The following ZAP70 variants were observed in gnomAD, a reference collection of about 807,000 sequenced individuals.
ZAP70 encodes the protein zeta chain of T cell receptor associated protein kinase 70.
Under a neutral mutation model 65.8 loss-of-function variants are expected in ZAP70, and 27 were observed. That is an observed-to-expected ratio of 0.41 (90% CI 0.30 to 0.57). The LOEUF (loss-of-function observed/expected upper bound fraction) is 0.57. ZAP70 is among the 20% of genes least tolerant of loss of function. ZAP70 has a pLI of 0.28. For synonymous variants in ZAP70, 363 were observed against 360.8 expected, an observed-to-expected ratio of 1.01 and a Z score of -0.07; for missense variants, 696 against 870.5, an observed-to-expected ratio of 0.80 and a Z score of 2.52.
the ZAP70 span, among the ~76,000 whole-genome samples, chr2:97,753,734 G>A: frequency 6.6e-6 from 1 of 152,182 alleles, no homozygotes; most frequent in East Asian, 1.9e-4. Context: ...CACTTTGGGA[G>A]GCTGACGCAG....
intron 4 of ZAP70, among the ~76,000 whole-genome samples, chr2:97,726,204 A>G (rs1396750563): frequency 6.6e-6 from 1 of 152,182 alleles, no homozygotes; most frequent in African/African-American, 2.4e-5. Context: ...GAGGCCATGT[A>G]GCTATTTGTG....
At chr2:97,714,061 A>G (rs1379889288) in intron 2 of ZAP70, 67 bp downstream of exon 2, 1 of 152,794 alleles carries the variant, frequency 6.5e-6, no homozygotes, top group Non-Finnish European at 1.5e-5. Context: ...CTGGAGGAGG[A>G]AGACAGAATA....
the ZAP70 span, among the ~76,000 whole-genome samples, chr2:97,752,256 A>C: frequency 6.6e-6 from 1 of 152,260 alleles, no homozygotes; most frequent in African/African-American, 2.4e-5. Context: ...TTTTATCAGG[A>C]TTTCATTCAC....
the ZAP70 span, among the ~76,000 whole-genome samples, chr2:97,751,975 G>A: frequency 9.8e-5 from 15 of 152,332 alleles, no homozygotes; most frequent in South Asian, 1.9e-3. Context: ...TTCAACAAGA[G>A]ACTCAGCAGG....
At position 97,724,468 on chromosome 2, in the gene ZAP70, G is replaced by A. The variant is rs201910784; in HGVS notation, c.402+30G>A. 300 of 1,518,416 alleles carry A rather than the reference G, an allele frequency of 2.0e-4. No individual in the cohort carries two copies. In the Middle Eastern group the frequency reaches 3.3e-3, roughly 17 times the overall value. The allele number at this position is 1,518,416 out of a possible 1,614,324, so 94.1% of individuals were successfully genotyped here. On this transcript the variant is annotated intron_variant, in intron 3 of 13. Coordinates refer to ENST00000264972, the MANE Select transcript of ZAP70 (RefSeq NM_001079.4). Reference sequence around the variant, plus strand: ...GAGCGCAGCCTGGGGCGCGGGGTCTGGAGGGGCGTGGCCGAAGAGGGGCAG... The same window carrying A: ...GAGCGCAGCCTGGGGCGCGGGGTCTAGAGGGGCGTGGCCGAAGAGGGGCAG...
intron 2 of ZAP70, among the ~76,000 whole-genome samples, chr2:97,718,636 C>T (rs563783408): frequency 6.6e-6 from 1 of 152,166 alleles, no homozygotes; most frequent in Admixed American, 6.5e-5. Flanking sequence ...TCCTTAGCCT[C>T]GGGTCATGGA....
chr2:97,744,227 C>T (rs1195174293), downstream of ZAP70, among the ~76,000 whole-genome samples: 1 of 152,216 alleles, frequency 6.6e-6, no homozygotes, highest in African/African-American at 2.4e-5. Flanking sequence ...TGACTCATTG[C>T]TAGCTCTGCA....
chr2:97,747,649 G>A, the ZAP70 span, among the ~76,000 whole-genome samples: 1 of 152,044 alleles, frequency 6.6e-6, no homozygotes, highest in Non-Finnish European at 1.5e-5. Flanking sequence ...GTTCTGGAAT[G>A]AGAGAGTGGT....
At chr2:97,723,649 G>A (rs1677245909) in intron 2 of ZAP70, among the ~76,000 whole-genome samples, 2 of 152,236 alleles carry the variant, frequency 1.3e-5, no homozygotes, top group South Asian at 2.1e-4. Context: ...GGGAGGACGG[G>A]GTGGGACCGC....
At chr2:97,738,262 C>A in intron 13 of ZAP70, 155 bp downstream of exon 13, 1 of 746,654 alleles carries the variant, frequency 1.3e-6, no homozygotes, top group Non-Finnish European at 2.3e-6. Context: ...CCCCCACACC[C>A]AGCTCTCCAA....
the ZAP70 span, among the ~76,000 whole-genome samples, chr2:97,749,040 C>T: frequency 4.8e-3 from 659 of 137,204 alleles, 15 homozygotes; most frequent in East Asian, 0.071. Context: ...GACGGAGTCT[C>T]GCTCTGTCGC....
rs764218522 is a variant in ZAP70, at chr2:97,733,375, G to A, written c.837+32G>A. 3.1e-6 allele frequency: 5 copies of A among 1,590,076 alleles called. No homozygotes were observed. The African/African-American group carries it at 4.0e-5, about 13-fold the overall frequency. ...TGGGGGCACCTGGAGTGTGGCCTTG[G>A]GGATGGAGCTGGGGAGTGGCTGTGG... On this transcript the variant is annotated intron_variant, in intron 7 of 13. Coordinates refer to ENST00000264972, the MANE Select transcript of ZAP70 (RefSeq NM_001079.4).
chr2:97,724,715 G>A, intron 3 of ZAP70: 2 of 1,514,378 alleles, frequency 1.3e-6, no homozygotes, highest in Non-Finnish European at 1.8e-6. Context: ...GGGCGAAGGC[G>A]AGGCTTGGAA....
chr2:97,735,188 G>A lies in ZAP70; in HGVS notation c.1083-62G>A, dbSNP rs572357628. On this transcript the variant is annotated intron_variant, in intron 9 of 13. Transcript: ENST00000264972. ...GGAGAAGAGAGATGGGTGGGTGGGG[G>A]TGTGGGGCCGAGCAGGGCCGGTGCC... 27 of 1,576,714 alleles carry A rather than the reference G, an allele frequency of 1.7e-5. No individual in the cohort carries two copies. The African/African-American group carries it at 2.4e-4, about 14-fold the overall frequency.
chr2:97,723,815 G>C (rs897994549), intron 2 of ZAP70, among the ~76,000 whole-genome samples: 1 of 152,238 alleles, frequency 6.6e-6, no homozygotes, highest in African/African-American at 2.4e-5. Flanking sequence ...TCAGATGGGG[G>C]TTTGGGACTT....
At chr2:97,733,263 C>G (rs1677693233) in intron 6 of ZAP70, 34 bp from the exon 7 acceptor site, 2 of 1,608,288 alleles carry the variant, frequency 1.2e-6, no homozygotes, top group South Asian at 1.1e-5. Context: ...GGAGACCTGG[C>G]CCCCAGCCCT....
At chr2:97,714,360 G>A (rs550562178) in intron 2 of ZAP70, among the ~76,000 whole-genome samples, 10 of 152,312 alleles carry the variant, frequency 6.6e-5, no homozygotes, top group Admixed American at 5.9e-4. Context: ...TGCTCACCAG[G>A]GCCGTGAGCT....
At chr2:97,733,653 C>A in intron 8 of ZAP70, 58 bp downstream of exon 8, 2 of 1,608,208 alleles carry the variant, frequency 1.2e-6, no homozygotes, top group South Asian at 2.2e-5. Context: ...AGATCAGGGT[C>A]GCTGTCAGGG....
chr2:97,747,393 G>T, the ZAP70 span, among the ~76,000 whole-genome samples: 1 of 152,220 alleles, frequency 6.6e-6, no homozygotes, highest in Non-Finnish European at 1.5e-5. Flanking sequence ...AAGAAGGAAT[G>T]AAGTACTGAT....
Sources: allele counts gnomAD v4.1 joint callset (sites outside exome capture counted in the v4.1 genomes callset), GRCh38; gene constraint gnomAD v4.1.1; transcripts MANE v1.5; gene names NCBI Gene and HGNC (gene_info 2026-07-23, HGNC 2026-07-21).